The following SNX5 variants were observed in gnomAD, a reference collection of about 807,000 sequenced individuals.
SNX5 encodes sorting nexin 5.
SNX5 carries 31 observed loss-of-function variants against 53.9 expected under a neutral mutation model. The ratio of observed to expected loss-of-function variants is 0.58; its 90% CI spans 0.43 to 0.78. The LOEUF (loss-of-function observed/expected upper bound fraction) is 0.78. Among genes scored for constraint, SNX5 ranks in the 30% least tolerant of loss-of-function variants. The pLI is 0.00. For synonymous variants in SNX5, 168 were observed against 171.1 expected, an observed-to-expected ratio of 0.98 and a Z score of 0.14; for missense variants, 471 against 478.8, an observed-to-expected ratio of 0.98 and a Z score of 0.15.
At position 17,968,355 on chromosome 20, in the gene SNX5, T is replaced by C; in HGVS notation, c.51+20A>G. The C allele has an allele frequency of 7.9e-7, 1 of 1,263,834 alleles. No individual in the cohort carries two copies. The highest frequency in any genetic ancestry group is 1.0e-6 in the Non-Finnish European group (1 of 1,000,248). 78.3% of individuals were successfully genotyped at this position (1,263,834 alleles called of 1,614,324 possible). A position where few individuals can be genotyped will look rare whatever the true frequency, so the allele number is the denominator to read the frequency against. ...TCGCAGGGCCGCCCGCCCAGGAGTC[T>C]GAGGCTGGGAGGACCTCACCTTGCT... is the stretch of plus-strand genomic sequence containing the variant. On this transcript the variant is annotated intron_variant, in intron 1 of 12. Transcript: ENST00000377759.
At position 17,955,412 on chromosome 20, in the gene SNX5, A is replaced by C; in HGVS notation, c.220T>G (p.Trp74Gly). The C allele has an allele frequency of 6.2e-7, 1 of 1,614,130 alleles. No individual in the cohort carries two copies. The highest frequency in any genetic ancestry group is 8.5e-7 in the Non-Finnish European group (1 of 1,179,970). ...SVTRQHEDFV[W>G]LHDTLIETTD... ...GTTTCAATAAGAGTGTCATGTAGCC[A>C]CACAAAGTCTTCATGTTGCCTTGTA... Residue 74 changes from tryptophan (W) to glycine (G), a missense_variant, in exon 3 of 13, where the codon TGG (tryptophan) becomes GGG (glycine). By Grantham distance (184) the Trp-to-Gly change is radical. Transcript: ENST00000377759.
chr20:17,964,070 G>A (rs2035499418), intron 1 of SNX5, among the ~76,000 whole-genome samples: 1 of 152,088 alleles, frequency 6.6e-6, no homozygotes, highest in African/African-American at 2.4e-5. Context: ...TTGAGAAAAA[G>A]AATTCTAAAC....
At position 17,942,354 on chromosome 20, in the gene SNX5, A is replaced by G. The variant is rs751335974; in HGVS notation, c.*3T>C. The G allele has an allele frequency of 1.1e-5, 18 of 1,590,868 alleles. No individual in the cohort carries two copies. Among genetic ancestry groups the G allele is most frequent in the South Asian group, 1.1e-4 (10 of 90,662 alleles). ...CATTTCTTTTCTTCTGAGTGAAGGC[A>G]TATCAGTTATTCTTGAACAAGTCAA... On this transcript the variant is annotated 3_prime_UTR_variant, in exon 13 of 13. Transcript: ENST00000377759.
At chr20:17,953,605 AC>A (rs1030599045) in intron 4 of SNX5, among the ~76,000 whole-genome samples, 13 of 152,126 alleles carry the variant, frequency 8.5e-5, no homozygotes, top group Admixed American at 5.2e-4. Flanking sequence ...ACATGACGAA[AC>A]CCCCAACTCT....
At chr20:17,943,034 C>T in intron 12 of SNX5, 76 bp downstream of exon 12, 1 of 1,017,580 alleles carries the variant, frequency 9.8e-7, no homozygotes, top group Non-Finnish European at 1.5e-6. Flanking sequence ...TGCCTGATGA[C>T]AATGGGTTAG....
intron 5 of SNX5, 31 bp from the exon 6 acceptor site, chr20:17,951,626 T>C: frequency 1.4e-6 from 2 of 1,431,550 alleles, no homozygotes; most frequent in Non-Finnish European, 2.0e-6. Flanking sequence ...AGAGTTTATA[T>C]GGTATGGATT....
At chr20:17,961,445 C>T in intron 1 of SNX5, 1 of 985,348 alleles carries the variant, frequency 1.0e-6, no homozygotes, top group South Asian at 4.7e-5. Context: ...GAAAAAGACA[C>T]AGTCCAAAGA....
rs115970511 is a variant in SNX5, at chr20:17,961,817, C to T, written c.52-4780G>A. 1.3e-3 allele frequency: 1,317 copies of T among 985,362 alleles called. 10 individuals are homozygous for T. The African/African-American group carries it at 0.022, about 17-fold the overall frequency. 61.0% of individuals were successfully genotyped at this position (985,362 alleles called of 1,614,324 possible). Reference sequence around the variant, plus strand: ...CAAGAGGGCCAATATGACAAATCATCGATGATTCTTAGCATGGAGCCAAGA... The same window carrying T: ...CAAGAGGGCCAATATGACAAATCATTGATGATTCTTAGCATGGAGCCAAGA... On this transcript the variant is annotated intron_variant, in intron 1 of 12. Coordinates refer to ENST00000377759, the MANE Select transcript of SNX5 (RefSeq NM_014426.4).
At position 17,955,366 on chromosome 20, in the gene SNX5, A is replaced by G. The variant is rs757425738; in HGVS notation, c.266T>C (p.Ile89Thr). The G allele has an allele frequency of 6.2e-7, 1 of 1,608,186 alleles. No individual in the cohort carries two copies. The highest frequency in any genetic ancestry group is 8.5e-7 in the Non-Finnish European group (1 of 1,175,100). The stretch of plus-strand genomic sequence containing the variant: ...TATTTGATTTTCTAAAAGACTCACA[A>G]TAAGCCCAGCATAGTCTGTTGTTTC... ...LIETTDYAGL[I>T]IPPAPTKPDF... is the part of the protein sequence containing the mutation. Residue 89 changes from isoleucine (I) to threonine (T), a missense_variant and splice_region_variant, in exon 3 of 13, where the codon ATT (isoleucine) becomes ACT (threonine). Transcript: ENST00000377759.
intron 11 of SNX5, among the ~76,000 whole-genome samples, chr20:17,946,474 A>G (rs976166189): frequency 1.3e-5 from 2 of 152,234 alleles, no homozygotes; most frequent in African/African-American, 4.8e-5. Context: ...TCCTATTGGC[A>G]AAGTCTGGAC....
intron 2 of SNX5, among the ~76,000 whole-genome samples, chr20:17,956,693 A>C (rs1479871774): frequency 4.1e-4 from 58 of 139,922 alleles, no homozygotes; most frequent in African/African-American, 1.3e-3. Context: ...AAAAAAAAAA[A>C]AAAAAAAAAA....
chr20:17,950,308 A>T lies in SNX5; in HGVS notation c.698T>A (p.Met233Lys). 1 of 1,612,980 alleles carries T rather than the reference A, an allele frequency of 6.2e-7. No individual in the cohort carries two copies. The highest frequency in any genetic ancestry group is 8.5e-7 in the Non-Finnish European group (1 of 1,178,946). Residue 233 changes from methionine to lysine, a missense_variant, in exon 7 of 13, where the codon ATG becomes AAG. Physicochemically the swap from Met to Lys is moderately conservative, Grantham distance 95. Transcript: ENST00000377759. ...IKDSCVKADKMTRSHKNVADD... is the reference protein window; with the variant it reads ...IKDSCVKADKKTRSHKNVADD... Reference sequence around the variant, plus strand: ...ATATTTACTTTTATGAGATCTGGTCATTTTGTCAGCTTTCACACAAGAATC... The same window carrying T: ...ATATTTACTTTTATGAGATCTGGTCTTTTTGTCAGCTTTCACACAAGAATC...
intron 1 of SNX5, among the ~76,000 whole-genome samples, chr20:17,960,289 C>T (rs1440477129): frequency 6.6e-6 from 1 of 151,862 alleles, no homozygotes; most frequent in Non-Finnish European, 1.5e-5. Flanking sequence ...GGTGAAACCC[C>T]GTCTCTACTA....
Position 17,968,766 on chromosome 20 carries a change from C to G in SNX5, c.-341G>C, listed in dbSNP as rs569421658. The G allele has an allele frequency of 2.9e-6, 1 of 348,596 alleles. No individual in the cohort carries two copies. Among genetic ancestry groups the G allele is most frequent in the Non-Finnish European group, 5.3e-6 (1 of 188,454 alleles). The allele number at this position is 348,596 out of a possible 1,614,324, so 21.6% of individuals were successfully genotyped here. A position where few individuals can be genotyped will look rare whatever the true frequency, so the allele number is the denominator to read the frequency against. ...CGACACGGACGGGAAGCAACGGACA[C>G]TCTCCCAGCAAGACGCGTCTAGAGA... On this transcript the variant is annotated 5_prime_UTR_variant, in exon 1 of 13. Transcript: ENST00000377759.
rs1449657202 is a variant in SNX5, at chr20:17,948,970, C to T, written c.838G>A (p.Glu280Lys). ...AELFEKLRKV[E>K]GRVSSDEDLK... ...TCTTCATCTGATGAAACTCGACCCT[C>T]TACTTTCTATATAGAAAAGGAAAGG... Residue 280 changes from glutamate (E) to lysine (K), a missense_variant, in exon 10 of 13, where the codon GAG becomes AAG. Transcript: ENST00000377759. 1 of 1,612,436 alleles carries T rather than the reference C, an allele frequency of 6.2e-7. No homozygotes were observed. Among genetic ancestry groups the T allele is most frequent in the South Asian group, 1.1e-5 (1 of 91,006 alleles).
chr20:17,958,356 A>G (rs1220738979), intron 1 of SNX5, among the ~76,000 whole-genome samples: 1 of 152,244 alleles, frequency 6.6e-6, no homozygotes, highest in East Asian at 1.9e-4. Context: ...CTTAACCTCT[A>G]AAACTTGAAA....
In SNX5 at chr20:17,960,652, C is replaced by A. The variant is rs75080991; in HGVS notation, c.52-3615G>T. Among the ~76,000 whole-genome samples the A allele has an allele frequency of 3.3e-5, 5 of 151,878 alleles. No individual in the cohort carries two copies. The East Asian group carries it at 9.7e-4, about 29-fold the overall frequency. ...ATTAGCCTGGCATGGTGGCGTGCGCCTGTAATCCCAGCTACTCAGGAGGCT... is the reference window on the plus strand; with the variant it reads ...ATTAGCCTGGCATGGTGGCGTGCGCATGTAATCCCAGCTACTCAGGAGGCT... On this transcript the variant is annotated intron_variant, in intron 1 of 12. Coordinates refer to ENST00000377759, the MANE Select transcript of SNX5 (RefSeq NM_014426.4).
rs1600336215 is a variant in SNX5 at position 17,948,982 on chromosome 20, T to A, written c.832-6A>T. The A allele has an allele frequency of 6.2e-7, 1 of 1,612,248 alleles. No individual in the cohort carries two copies. The highest frequency in any genetic ancestry group is 1.3e-5 in the African/African-American group (1 of 74,968). ...GAAACTCGACCCTCTACTTTCTATA[T>A]AGAAAAGGAAAGGTCACCATCAAGG... On this transcript the variant is annotated splice_region_variant and splice_polypyrimidine_tract_variant and intron_variant, in intron 9 of 12. Transcript: ENST00000377759.
chr20:17,953,740 T>C (rs1247786868), intron 4 of SNX5, among the ~76,000 whole-genome samples: 10 of 152,226 alleles, frequency 6.6e-5, no homozygotes, highest in African/African-American at 2.4e-4. Context: ...TTAATAAGTA[T>C]GCCCTACATA....
Sources: allele counts gnomAD v4.1 joint callset (sites outside exome capture counted in the v4.1 genomes callset), GRCh38; gene constraint gnomAD v4.1.1; transcripts MANE v1.5; gene names NCBI Gene and HGNC (gene_info 2026-07-23, HGNC 2026-07-21).